The following DMD variants were observed in gnomAD, a reference collection of about 807,000 sequenced individuals.
DMD encodes mutant dystrophin.
DMD carries 63 observed loss-of-function variants against 330.1 expected under a neutral mutation model. The ratio of observed to expected loss-of-function variants is 0.19; its 90% CI spans 0.16 to 0.24. DMD has a LOEUF of 0.24. DMD is among the 10% of genes least tolerant of loss of function. The pLI is 1.00. For synonymous variants in DMD, 1,223 were observed against 959.8 expected (o/e 1.27, Z -5.07); for missense variants, 3,344 against 2,684.1 (o/e 1.25, Z -5.43).
In DMD at chrX:32,950,187, T is replaced by C. The variant is rs752342335; in HGVS notation, c.93+69952A>G. ...AACAAATATGTAGTAGTAGTAGTAG[T>C]AGCAGCAGCAGCAGTAGTAACAGCA... On this transcript the variant is annotated intron_variant, in intron 2 of 78. Coordinates refer to ENST00000357033, the MANE Select transcript of DMD (RefSeq NM_004006.3). 9.9e-5 allele frequency among the ~76,000 whole-genome samples: 11 copies of C among 110,885 alleles called. No homozygotes were observed. In the South Asian group the frequency reaches 1.5e-3, roughly 16 times the overall value.
In DMD at chrX:32,398,302, C is replaced by A. The variant is rs536093066; in HGVS notation, c.4234-8121G>T. Among the ~76,000 whole-genome samples the A allele has an allele frequency of 7.3e-5, 7 of 95,847 alleles. No homozygotes were observed. In the East Asian group the frequency reaches 2.9e-3, roughly 40 times the overall value. The allele number at this position is 95,847 out of a possible 115,157, so 83.2% of individuals were successfully genotyped here. On this transcript the variant is annotated intron_variant, in intron 30 of 78. Transcript: ENST00000357033. ...GTAGAGTTACTTAGAAAAATATTAC[C>A]TTTAAATTAAATTTTGTCAGCTAAA...
intron 13 of DMD, among the ~76,000 whole-genome samples, chrX:32,580,515 AG>A (rs2053544786): frequency 8.9e-6 from 1 of 111,979 alleles, no homozygotes; most frequent in African/African-American, 3.2e-5. Context: ...TCTCCTAGAC[AG>A]GTAACTGCTA....
chrX:32,175,198 C>T (rs1417391696), intron 44 of DMD, among the ~76,000 whole-genome samples: 3 of 110,994 alleles, frequency 2.7e-5, no homozygotes, highest in African/African-American at 9.8e-5. Context: ...CTTTCTGGGT[C>T]GAGTGGGGAC....
Position 32,460,125 on chromosome X carries a change from AT to A in DMD, c.3432+3313del, listed in dbSNP as rs199812224. ...TGGCCAATTAATATATGAAAAAAAA[AT>A]TCCACATCGGTAATCATCAAATAAA... On this transcript the variant is annotated intron_variant, in intron 25 of 78. Coordinates refer to ENST00000357033, the MANE Select transcript of DMD (RefSeq NM_004006.3). Among the ~76,000 whole-genome samples, 846 of 110,890 alleles carry A rather than the reference AT, an allele frequency of 7.6e-3. 4 individuals are homozygous for A. Among genetic ancestry groups the A allele is most frequent in the African/African-American group, 0.022 (652 of 30,323 alleles).
In DMD at chrX:32,211,367, T is replaced by G. The variant is rs2097092959; in HGVS notation, c.6438+5549A>C. On this transcript the variant is annotated intron_variant, in intron 44 of 78. Coordinates refer to ENST00000357033, the MANE Select transcript of DMD (RefSeq NM_004006.3). Reference sequence around the variant, plus strand: ...GTAATCCATATTTACTTCTGTATGCTCAATGACAATGAATAAATTTTTACT... The same window carrying G: ...GTAATCCATATTTACTTCTGTATGCGCAATGACAATGAATAAATTTTTACT... 2.7e-5 allele frequency among the ~76,000 whole-genome samples: 3 copies of G among 112,241 alleles called. No individual in the cohort carries two copies. The Admixed American group carries it at 2.8e-4, about 11-fold the overall frequency.
intron 44 of DMD, among the ~76,000 whole-genome samples, chrX:32,089,657 A>G (rs1603624676): frequency 8.9e-6 from 1 of 112,029 alleles, no homozygotes; most frequent in Admixed American, 9.5e-5. Context: ...CATGGTGTAT[A>G]TGTACCACAT....
intron 12 of DMD, among the ~76,000 whole-genome samples, chrX:32,609,741 G>T (rs2057014722): frequency 9.0e-6 from 1 of 110,983 alleles, no homozygotes; most frequent in Non-Finnish European, 1.9e-5. Flanking sequence ...TACTTAGTTT[G>T]TATTAATCAG....
intron 61 of DMD, among the ~76,000 whole-genome samples, chrX:31,331,965 G>A (rs1278613188): frequency 1.8e-5 from 2 of 112,092 alleles, no homozygotes; most frequent in African/African-American, 3.2e-5. Flanking sequence ...AGCAATTAAC[G>A]CAAAAAGAGT....
chrX:32,894,691 G>A (rs750688771), intron 2 of DMD, among the ~76,000 whole-genome samples: 3 of 112,327 alleles, frequency 2.7e-5, no homozygotes, highest in East Asian at 2.8e-4. Context: ...TCCGTAGCTC[G>A]GAAAACACAT....
intron 44 of DMD, among the ~76,000 whole-genome samples, chrX:32,113,095 G>A (rs111858975): frequency 1.1e-3 from 128 of 112,503 alleles, no homozygotes; most frequent in African/African-American, 3.5e-3. Flanking sequence ...TATAATAAAC[G>A]CATATAAATA....
intron 52 of DMD, among the ~76,000 whole-genome samples, chrX:31,682,409 G>T (rs1295742646): frequency 9.0e-6 from 1 of 111,568 alleles, no homozygotes; most frequent in African/African-American, 3.3e-5. Flanking sequence ...ACTAGGTAGT[G>T]GAACAGCTTT....
At chrX:31,996,575 T>C (rs2095588122) in intron 44 of DMD, among the ~76,000 whole-genome samples, 1 of 111,417 alleles carries the variant, frequency 9.0e-6, no homozygotes, top group Admixed American at 9.6e-5. Context: ...TGAATAAAAA[T>C]CCACATTTTT....
At chrX:32,792,321 C>G (rs2075876356) in intron 7 of DMD, among the ~76,000 whole-genome samples, 1 of 109,003 alleles carries the variant, frequency 9.2e-6, no homozygotes, top group Admixed American at 9.7e-5. Flanking sequence ...GTAGTGCAAA[C>G]ACACAAAAAA....
rs2098143064 is a variant in DMD at position 32,411,833 on chromosome X, C to A, written c.4152G>T (p.Glu1384Asp). ...ACTGCTTGTCAATGAATGTGAGGGACTCCTGGATTAAGTGTAAGGATTTTT... is the reference window on the plus strand; with the variant it reads ...ACTGCTTGTCAATGAATGTGAGGGAATCCTGGATTAAGTGTAAGGATTTTT... ...ETEKSLHLIQ[E>D]SLTFIDKQLA... The change falls in exon 30 of 79, where the codon GAG (glutamate) becomes GAT (aspartate). Residue 1384 changes from glutamate (E) to aspartate (D), a missense_variant. Coordinates refer to ENST00000357033, the MANE Select transcript of DMD (RefSeq NM_004006.3). The A allele has an allele frequency of 8.3e-7, 1 of 1,211,050 alleles. No homozygotes were observed. The highest frequency in any genetic ancestry group is 1.7e-5 in the African/African-American group (1 of 57,763).
intron 7 of DMD, among the ~76,000 whole-genome samples, chrX:32,787,175 C>T (rs1439786534): frequency 9.3e-6 from 1 of 107,570 alleles, no homozygotes; most frequent in Non-Finnish European, 1.9e-5. Flanking sequence ...AGAAATCTAC[C>T]ATGTATCCAT....
intron 60 of DMD, among the ~76,000 whole-genome samples, chrX:31,416,403 C>T (rs2061873806): frequency 8.9e-6 from 1 of 112,441 alleles, no homozygotes; most frequent in Non-Finnish European, 1.9e-5. Context: ...CATCCCCTAA[C>T]ATTGCATAAA....
chrX:32,747,771 G>T (rs2070245895), intron 7 of DMD, among the ~76,000 whole-genome samples: 1 of 110,497 alleles, frequency 9.1e-6, no homozygotes, highest in South Asian at 4.0e-4. Flanking sequence ...GAGCCAACAT[G>T]CCGGGGAGGA....
chrX:32,819,020 TTTTTTTC>T, intron 5 of DMD, among the ~76,000 whole-genome samples: 1 of 104,016 alleles, frequency 9.6e-6, no homozygotes, highest in Admixed American at 1.0e-4. Flanking sequence ...TTTTTTTTTT[TTTTTTTC>T]CAGGGCATGG....
intron 2 of DMD, among the ~76,000 whole-genome samples, chrX:32,923,454 G>C (rs756437464): frequency 9.1e-6 from 1 of 109,666 alleles, no homozygotes; most frequent in African/African-American, 3.3e-5. Context: ...CCAGCTACTC[G>C]GTAGGCTGAG....
Sources: allele counts gnomAD v4.1 joint callset (sites outside exome capture counted in the v4.1 genomes callset), GRCh38; gene constraint gnomAD v4.1.1; transcripts MANE v1.5; gene names NCBI Gene and HGNC (gene_info 2026-07-23, HGNC 2026-07-21).